HDAC9: variants seen among roughly 807,000 people sequenced by gnomAD.
HDAC9 encodes histone deacetylase 9.
Under a neutral mutation model 139.4 loss-of-function variants are expected in HDAC9, and 41 were observed. That is an observed-to-expected ratio of 0.29 (90% CI 0.23 to 0.38). The LOEUF (loss-of-function observed/expected upper bound fraction) is 0.38, where lower values mean the gene tolerates loss of function less well. Among genes scored for constraint, HDAC9 ranks in the 10% least tolerant of loss-of-function variants. The pLI, the probability that HDAC9 is intolerant of heterozygous loss-of-function variation, is 1.00. For synonymous variants in HDAC9, 517 were observed against 476.2 expected (o/e 1.09, Z -1.12); for missense variants, 1,147 against 1,297.0 (o/e 0.88, Z 1.78).
At chr7:18,469,541 G>A (rs1234333019) in intron 1 of HDAC9, among the ~76,000 whole-genome samples, 1 of 152,146 alleles carries the variant, frequency 6.6e-6, no homozygotes, top group Non-Finnish European at 1.5e-5. Context: ...AAGAGAAAGT[G>A]TGTAGGTGTT....
intron 2 of HDAC9, among the ~76,000 whole-genome samples, chr7:18,215,734 C>A (rs1268308053): frequency 6.6e-6 from 1 of 152,020 alleles, no homozygotes; most frequent in Non-Finnish European, 1.5e-5. Flanking sequence ...GAAAGGAAAA[C>A]GTATTTACTT....
chr7:18,345,082 G>A (rs1278855211), intron 1 of HDAC9, among the ~76,000 whole-genome samples: 2 of 151,974 alleles, frequency 1.3e-5, no homozygotes, highest in East Asian at 3.9e-4. Flanking sequence ...TATGTAATGA[G>A]TGAAATAACC....
chr7:18,908,842 A>T (rs2129287870), intron 22 of HDAC9, among the ~76,000 whole-genome samples: 1 of 152,188 alleles, frequency 6.6e-6, no homozygotes, highest in Middle Eastern at 3.4e-3. Context: ...TATCTTGGCT[A>T]TTGTGAATAG....
At position 18,542,331 on chromosome 7, in the gene HDAC9, A is replaced by G. The variant is rs185214392; in HGVS notation, c.23-42950A>G. Among the ~76,000 whole-genome samples the G allele has an allele frequency of 1.1e-4, 16 of 152,242 alleles. No individual in the cohort carries two copies. In the East Asian group the frequency reaches 2.9e-3, roughly 27 times the overall value. Reference sequence around the variant, plus strand: ...AAATTACCAACTTCTCTATACCTCAATTTCCTCATCTCTAATATAAATACC... The same window carrying G: ...AAATTACCAACTTCTCTATACCTCAGTTTCCTCATCTCTAATATAAATACC... On this transcript the variant is annotated intron_variant, in intron 2 of 25. Coordinates refer to ENST00000686413, the MANE Select transcript of HDAC9 (RefSeq NM_178425.4).
chr7:18,139,121 C>CTTTTTTTTTTTT (rs552350047), intron 1 of HDAC9, among the ~76,000 whole-genome samples: 1 of 105,926 alleles, frequency 9.4e-6, no homozygotes, highest in Non-Finnish European at 1.9e-5. Context: ...ATAATCTGGA[C>CTTTTTTTTTTTT]TTTTTTTTTT....
chr7:18,854,105 A>G (rs1445931576), intron 21 of HDAC9, among the ~76,000 whole-genome samples: 1 of 152,206 alleles, frequency 6.6e-6, no homozygotes, highest in African/African-American at 2.4e-5. Context: ...GTAATACAAT[A>G]AAACTTCTAT....
rs564852339 is a variant in HDAC9, at chr7:18,970,138, A to G, written c.3023-5668A>G. On this transcript the variant is annotated intron_variant, in intron 24 of 25. Transcript: ENST00000686413. ...AATTAAGTTTTCAAGATTATAGGCA[A>G]TTCTATCAAAAAGCCTAAAGTATTT... 2.6e-4 allele frequency among the ~76,000 whole-genome samples: 40 copies of G among 152,304 alleles called. No homozygotes were observed. The South Asian group carries it at 8.1e-3, about 31-fold the overall frequency.
rs534796774 is a variant in HDAC9, at chr7:18,754,750, T to C, written c.2043+5612T>C. Among the ~76,000 whole-genome samples the C allele has an allele frequency of 8.5e-4, 129 of 152,176 alleles. 3 individuals carry two copies. The South Asian group carries it at 0.025, about 30-fold the overall frequency. ...TTCTCGGCAGTTCCAATGAGAAAAG[T>C]GGAGAGCAAGTTTAGTGCAGAATCT... On this transcript the variant is annotated intron_variant, in intron 14 of 25. Transcript: ENST00000686413.
chr7:18,660,396 A>G (rs1792740032), intron 11 of HDAC9, among the ~76,000 whole-genome samples: 1 of 152,144 alleles, frequency 6.6e-6, no homozygotes. Flanking sequence ...ACGGGTAGTT[A>G]TTGCTCTTTT....
chr7:18,294,613 T>C (rs1798019310), intron 1 of HDAC9, among the ~76,000 whole-genome samples: 1 of 152,156 alleles, frequency 6.6e-6, no homozygotes, highest in Admixed American at 6.6e-5. Context: ...TTAGAGGTAC[T>C]GGCAGAATCC....
At chr7:18,591,701 A>G (rs1236340262) in intron 5 of HDAC9, 59 bp downstream of exon 5, 1 of 1,588,510 alleles carries the variant, frequency 6.3e-7, no homozygotes, top group Non-Finnish European at 8.6e-7. Context: ...TTCTGTATTT[A>G]GCCGACCTGG....
intron 1 of HDAC9, among the ~76,000 whole-genome samples, chr7:18,378,339 C>T (rs566990444): frequency 1.1e-4 from 17 of 151,866 alleles, no homozygotes; most frequent in East Asian, 1.9e-4. Flanking sequence ...TGTTTATATC[C>T]GTGTATGTAT....
intron 11 of HDAC9, among the ~76,000 whole-genome samples, chr7:18,655,096 C>T (rs1696313086): frequency 6.6e-6 from 1 of 152,162 alleles, no homozygotes; most frequent in Admixed American, 6.5e-5. Flanking sequence ...ATGTTGGCAT[C>T]TCATCTATGG....
At chr7:18,904,847 T>A (rs1802075513) in intron 22 of HDAC9, among the ~76,000 whole-genome samples, 1 of 152,040 alleles carries the variant, frequency 6.6e-6, no homozygotes, top group Non-Finnish European at 1.5e-5. Context: ...AGTGCTGGGA[T>A]TACAGGCATG....
intron 22 of HDAC9, among the ~76,000 whole-genome samples, chr7:18,894,137 A>G (rs1173306164): frequency 6.6e-6 from 1 of 152,142 alleles, no homozygotes; most frequent in Admixed American, 6.6e-5. Flanking sequence ...GGGTCTGGGC[A>G]CCAGAGAGGA....
intron 2 of HDAC9, among the ~76,000 whole-genome samples, chr7:18,169,455 T>C (rs1788251058): frequency 6.6e-6 from 1 of 152,084 alleles, no homozygotes; most frequent in South Asian, 2.1e-4. Flanking sequence ...ACATCAGTTT[T>C]TTTTTCTTTT....
At chr7:18,248,009 C>G (rs2128195194) in intron 2 of HDAC9, among the ~76,000 whole-genome samples, 1 of 152,220 alleles carries the variant, frequency 6.6e-6, no homozygotes, top group Middle Eastern at 3.4e-3. Context: ...ATCTGAATAG[C>G]TTTTCCTCCT....
intron 16 of HDAC9, 149 bp from the exon 17 acceptor site, chr7:18,793,196 G>C (rs1033043008): frequency 1.5e-6 from 1 of 646,122 alleles, no homozygotes; most frequent in African/African-American, 1.8e-5. Context: ...ATTGTACATA[G>C]GCTGTTACCC....
At chr7:18,819,480 G>T (rs1794806578) in intron 17 of HDAC9, among the ~76,000 whole-genome samples, 1 of 152,080 alleles carries the variant, frequency 6.6e-6, no homozygotes, top group Non-Finnish European at 1.5e-5. Context: ...AAATAGACTA[G>T]TCTAAAATGA....
Sources: allele counts gnomAD v4.1 joint callset (sites outside exome capture counted in the v4.1 genomes callset), GRCh38; gene constraint gnomAD v4.1.1; transcripts MANE v1.5; gene names NCBI Gene and HGNC (gene_info 2026-07-23, HGNC 2026-07-21).